TTI1: variants seen among roughly 807,000 people sequenced by gnomAD.
TTI1 encodes the protein TELO2-interacting protein 1 homolog.
In TTI1, 52 loss-of-function variants were observed where a neutral mutation model predicts 85.4. The observed-to-expected ratio is 0.61, with a 90% confidence interval of 0.49 to 0.77. The LOEUF (loss-of-function observed/expected upper bound fraction) is 0.77, where lower values mean the gene tolerates loss of function less well. TTI1 is among the 30% of genes least tolerant of loss of function. The pLI is 0.00. For synonymous variants in TTI1, 512 were observed against 503.9 expected (o/e 1.02, Z -0.22); for missense variants, 1,173 against 1,296.0 (o/e 0.91, Z 1.46).
intron 4 of TTI1, among the ~76,000 whole-genome samples, chr20:38,001,766 T>A (rs931879745): frequency 1.3e-5 from 2 of 152,172 alleles, no homozygotes; most frequent in African/African-American, 2.4e-5. Context: ...TTACTCAGGC[T>A]GGAGTGCAAT....
intron 1 of TTI1, among the ~76,000 whole-genome samples, chr20:38,026,234 A>G (rs1265992657): frequency 1.3e-5 from 2 of 152,118 alleles, no homozygotes; most frequent in Non-Finnish European, 2.9e-5. Flanking sequence ...AAATCCATTC[A>G]TAGCAACCTC....
At chr20:37,995,428 C>A (rs558842609) in intron 7 of TTI1, among the ~76,000 whole-genome samples, 138 of 152,388 alleles carry the variant, frequency 9.1e-4, no homozygotes, top group Admixed American at 8.9e-3. Flanking sequence ...TCCCACCCCA[C>A]TGAAGAGGAT....
Position 38,013,877 on chromosome 20 carries a change from C to T in TTI1, c.-41-20G>A. The T allele has an allele frequency of 5.2e-6, 8 of 1,539,644 alleles. No homozygotes were observed. The highest frequency in any genetic ancestry group is 6.9e-6 in the Non-Finnish European group (8 of 1,152,864). ...TGCAGGCTGGAGGAAGGAAACTGTT[C>T]AGTAAAAATGTCAAGTTCAAAGCAA... On this transcript the variant is annotated intron_variant, in intron 1 of 7. Coordinates refer to ENST00000373447, the MANE Select transcript of TTI1 (RefSeq NM_001303457.2).
chr20:37,991,876 A>G (rs2073270177), intron 7 of TTI1, among the ~76,000 whole-genome samples: 1 of 152,196 alleles, frequency 6.6e-6, no homozygotes, highest in African/African-American at 2.4e-5. Flanking sequence ...TACTAACGTG[A>G]TTCATCCACA....
rs759360613 is a variant in TTI1 at position 38,013,494 on chromosome 20, C to G, written c.323G>C (p.Ser108Thr). Residue 108 changes from serine to threonine, a missense_variant, in exon 2 of 8, where the codon AGC (serine) becomes ACC (threonine). Physicochemically the swap from Ser to Thr is moderately conservative, Grantham distance 58. Coordinates refer to ENST00000373447, the MANE Select transcript of TTI1 (RefSeq NM_001303457.2). Reference protein sequence around the residue: ...SELSACLYSPSSQKPAAVSEE... With the variant: ...SELSACLYSPTSQKPAAVSEE... Reference sequence around the variant, plus strand: ...GGACACAGCCGCAGGTTTTTGGGAGCTGGGTGAATACAGACAAGCAGAGAG... The same window carrying G: ...GGACACAGCCGCAGGTTTTTGGGAGGTGGGTGAATACAGACAAGCAGAGAG... 6.2e-7 allele frequency: 1 copy of G among 1,614,034 alleles called. No homozygotes were observed. Among genetic ancestry groups the G allele is most frequent in the Non-Finnish European group, 8.5e-7 (1 of 1,180,044 alleles).
chr20:38,018,520 T>C (rs189140219), intron 1 of TTI1, among the ~76,000 whole-genome samples: 26 of 152,246 alleles, frequency 1.7e-4, no homozygotes, highest in African/African-American at 4.8e-4. Context: ...GAAGACAGCA[T>C]AGAGCAGAAG....
intron 3 of TTI1, 89 bp downstream of exon 3, chr20:38,006,108 T>G: frequency 6.8e-7 from 1 of 1,474,940 alleles, no homozygotes; most frequent in East Asian, 2.3e-5. Context: ...CTTTTCTTAT[T>G]TCTACCCTTT....
intron 5 of TTI1, 97 bp from the exon 6 acceptor site, chr20:37,997,050 T>C (rs1002733730): frequency 7.7e-7 from 1 of 1,306,722 alleles, no homozygotes; most frequent in Non-Finnish European, 1.0e-6. Flanking sequence ...GGTCTCTGCT[T>C]GGGGGAAAAA....
intron 4 of TTI1, 150 bp downstream of exon 4, chr20:38,002,478 C>G: frequency 9.6e-7 from 1 of 1,037,124 alleles, no homozygotes; most frequent in African/African-American, 1.6e-5. Flanking sequence ...TGTCACCCCA[C>G]AGACAAATTC....
At chr20:38,001,652 C>A (rs1293942049) in intron 4 of TTI1, among the ~76,000 whole-genome samples, 3 of 152,116 alleles carry the variant, frequency 2.0e-5, no homozygotes, top group African/African-American at 7.2e-5. Context: ...GTTTCCTAGC[C>A]CATCACCCCT....
intron 2 of TTI1, among the ~76,000 whole-genome samples, chr20:38,009,983 C>T (rs941403807): frequency 2.6e-5 from 4 of 152,104 alleles, no homozygotes; most frequent in Non-Finnish European, 5.9e-5. Context: ...CAGAATCTGC[C>T]GTGAGCTTGT....
chr20:38,021,698 T>C (rs2073773580), intron 1 of TTI1, among the ~76,000 whole-genome samples: 3 of 152,194 alleles, frequency 2.0e-5, no homozygotes, highest in Admixed American at 1.3e-4. Context: ...AAGTAGGCAC[T>C]GGAGAGGTGG....
intron 1 of TTI1, among the ~76,000 whole-genome samples, chr20:38,015,882 G>C (rs1183989540): frequency 6.6e-6 from 1 of 152,170 alleles, no homozygotes; most frequent in African/African-American, 2.4e-5. Context: ...AGCATGTAAG[G>C]GGGAATTTGA....
chr20:37,995,573 C>CCGGCTGCTGCTGGGATGGCAGTT, intron 7 of TTI1, among the ~76,000 whole-genome samples: 5 of 152,354 alleles, frequency 3.3e-5, no homozygotes, highest in Admixed American at 3.3e-4. Context: ...AGCAGACCTA[C>CCGGCTGCTGCTGGGATGGCAGTT]CCTGGGATGG....
Position 38,015,285 on chromosome 20 carries a change from C to T in TTI1, c.-41-1428G>A, listed in dbSNP as rs137894201. 6.9e-3 allele frequency among the ~76,000 whole-genome samples: 1,057 copies of T among 152,244 alleles called. 5 individuals carry two copies. Among genetic ancestry groups the T allele is most frequent in the African/African-American group, 0.02 (839 of 41,540 alleles). ...GAACCCTATGAGGAAGGGCACTGTT[C>T]GTCACTGTGAGGCTTCGTTGGGGTG... On this transcript the variant is annotated intron_variant, in intron 1 of 7. Transcript: ENST00000373447.
At chr20:37,989,617 G>C (rs2073235765) in intron 7 of TTI1, among the ~76,000 whole-genome samples, 1 of 152,352 alleles carries the variant, frequency 6.6e-6, no homozygotes, top group African/African-American at 2.4e-5. Context: ...ATTGGGCACA[G>C]ATTTCAAAGT....
chr20:37,999,444 G>C, intron 4 of TTI1, 116 bp from the exon 5 acceptor site: 6 of 1,137,866 alleles, frequency 5.3e-6, no homozygotes, highest in Non-Finnish European at 6.8e-6. Context: ...ATTGTTTTCT[G>C]AGTGCTGACT....
chr20:38,022,319 C>T (rs1238021840), intron 1 of TTI1, among the ~76,000 whole-genome samples: 1 of 152,124 alleles, frequency 6.6e-6, no homozygotes, highest in African/African-American at 2.4e-5. Flanking sequence ...CCCATGCTTA[C>T]TCCTCATCTC....
rs145716520 is a variant in TTI1, at chr20:38,022,759, T to C, written c.-41-8902A>G. Reference sequence around the variant, plus strand: ...AGAACTGGGACAGAGGGAACATGTATATTTTCTCTCTATACATGCTTTCCC... The same window carrying C: ...AGAACTGGGACAGAGGGAACATGTACATTTTCTCTCTATACATGCTTTCCC... On this transcript the variant is annotated intron_variant, in intron 1 of 7. Coordinates refer to ENST00000373447, the MANE Select transcript of TTI1 (RefSeq NM_001303457.2). Among the ~76,000 whole-genome samples, 5 of 152,326 alleles carry C rather than the reference T, an allele frequency of 3.3e-5. No homozygotes were observed. The East Asian group carries it at 7.7e-4, about 24-fold the overall frequency.
Sources: gnomAD v4.1 joint callset for allele counts (sites outside exome capture counted in the v4.1 genomes callset) on GRCh38, gnomAD v4.1.1 for gene constraint, MANE v1.5 for transcripts, NCBI Gene and HGNC (gene_info 2026-07-23, HGNC 2026-07-21) for gene names.